CNOT1: variants seen among roughly 807,000 people sequenced by gnomAD.
CNOT1 encodes the protein CCR4-NOT transcription complex subunit 1.
A neutral mutation model predicts 273.8 loss-of-function variants in CNOT1; 15 were observed. The ratio of observed to expected loss-of-function variants is 0.05; its 90% CI spans 0.04 to 0.08. The LOEUF (loss-of-function observed/expected upper bound fraction) is 0.08, where lower values mean the gene tolerates loss of function less well. Among genes scored for constraint, CNOT1 ranks in the 10% least tolerant of loss-of-function variants. The pLI, the probability that CNOT1 is intolerant of heterozygous loss-of-function variation, is 1.00. For missense variants in CNOT1, 1,644 were observed against 2,912.2 expected, an observed-to-expected ratio of 0.56 and a Z score of 10.02; for synonymous variants, 1,022 against 1,005.5, an observed-to-expected ratio of 1.02 and a Z score of -0.31.
At chr16:58,617,080 G>A (rs2043115484) in intron 1 of CNOT1, among the ~76,000 whole-genome samples, 1 of 152,186 alleles carries the variant, frequency 6.6e-6, no homozygotes, top group Non-Finnish European at 1.5e-5. Flanking sequence ...TCTTGCAAGA[G>A]GCCAGGTGCA....
intron 16 of CNOT1, among the ~76,000 whole-genome samples, chr16:58,565,622 C>T (rs768363245): frequency 4.6e-5 from 7 of 152,200 alleles, no homozygotes; most frequent in Middle Eastern, 3.4e-3. Flanking sequence ...TTAGCCTTTA[C>T]GTGTTCTTCT....
chr16:58,560,566 A>C (rs1255679181), intron 16 of CNOT1, among the ~76,000 whole-genome samples: 1 of 151,824 alleles, frequency 6.6e-6, no homozygotes, highest in East Asian at 1.9e-4. Flanking sequence ...CCGAGTACCA[A>C]TCTGATTTTC....
intron 1 of CNOT1, among the ~76,000 whole-genome samples, chr16:58,618,449 G>A (rs1470402176): frequency 1.3e-5 from 2 of 151,996 alleles, no homozygotes; most frequent in Admixed American, 6.6e-5. Context: ...GGACATGGTG[G>A]TGCACATCTG....
intron 21 of CNOT1, among the ~76,000 whole-genome samples, chr16:58,554,595 A>C (rs1486960868): frequency 6.6e-6 from 1 of 152,172 alleles, no homozygotes; most frequent in African/African-American, 2.4e-5. Flanking sequence ...ATAACCAACC[A>C]AAAAACCTCT....
intron 2 of CNOT1, among the ~76,000 whole-genome samples, chr16:58,592,841 T>G (rs2042109703): frequency 6.6e-6 from 1 of 152,118 alleles, no homozygotes; most frequent in African/African-American, 2.4e-5. Context: ...AGTATAGAGC[T>G]GAGGGAAGAA....
chr16:58,543,473 G>A, intron 31 of CNOT1, 134 bp downstream of exon 31: 1 of 1,510,184 alleles, frequency 6.6e-7, no homozygotes, highest in South Asian at 1.3e-5. Flanking sequence ...TAAAATGATG[G>A]AAGACATCAA....
chr16:58,534,525 T>C, intron 39 of CNOT1, 130 bp from the exon 40 acceptor site: 1 of 1,048,592 alleles, frequency 9.5e-7, no homozygotes, highest in Non-Finnish European at 1.3e-6. Flanking sequence ...TCTTACATTG[T>C]AATAAATGTA....
intron 16 of CNOT1, among the ~76,000 whole-genome samples, chr16:58,569,832 A>G (rs1418068880): frequency 6.6e-6 from 1 of 152,180 alleles, no homozygotes; most frequent in African/African-American, 2.4e-5. Context: ...TTGTAGAAAT[A>G]ATGACTGAAA....
chr16:58,554,374 A>G (rs1183479241), intron 21 of CNOT1, among the ~76,000 whole-genome samples: 1 of 152,174 alleles, frequency 6.6e-6, no homozygotes, highest in East Asian at 1.9e-4. Flanking sequence ...CTCTTGGGAG[A>G]TAATGAAAAT....
At chr16:58,566,257 T>G (rs2041039258) in intron 16 of CNOT1, among the ~76,000 whole-genome samples, 1 of 152,230 alleles carries the variant, frequency 6.6e-6, no homozygotes, top group Non-Finnish European at 1.5e-5. Flanking sequence ...TAACACACAT[T>G]AAAGATTACA....
At chr16:58,606,804 A>G (rs377157076) in intron 1 of CNOT1, among the ~76,000 whole-genome samples, 1 of 151,528 alleles carries the variant, frequency 6.6e-6, no homozygotes, top group Admixed American at 6.6e-5. Context: ...ACACCGTATC[A>G]AAAAAAAAGA....
intron 45 of CNOT1, among the ~76,000 whole-genome samples, chr16:58,525,621 C>T (rs1043365751): frequency 1.3e-5 from 2 of 152,204 alleles, no homozygotes; most frequent in Admixed American, 1.3e-4. Flanking sequence ...AAAATATGCA[C>T]TGTGCCAATT....
intron 1 of CNOT1, among the ~76,000 whole-genome samples, chr16:58,609,611 T>C (rs1365986890): frequency 6.6e-6 from 1 of 151,858 alleles, no homozygotes; most frequent in African/African-American, 2.4e-5. Context: ...TACAGACACA[T>C]GCCACCATGC....
At chr16:58,587,126 TCA>T in intron 6 of CNOT1, 73 bp downstream of exon 6, 1 of 1,539,762 alleles carries the variant, frequency 6.5e-7, no homozygotes, top group Non-Finnish European at 8.8e-7. Flanking sequence ...TAAGTCTAAA[TCA>T]CAGAGCCTCA....
chr16:58,625,111 C>T (rs576942709), intron 1 of CNOT1, among the ~76,000 whole-genome samples: 1 of 151,874 alleles, frequency 6.6e-6, no homozygotes, highest in Admixed American at 6.6e-5. Flanking sequence ...TTAGGCCAGG[C>T]GCAGTGGCTC....
At chr16:58,564,147 G>C (rs1377821822) in intron 16 of CNOT1, among the ~76,000 whole-genome samples, 1 of 152,102 alleles carries the variant, frequency 6.6e-6, no homozygotes, top group African/African-American at 2.4e-5. Flanking sequence ...ATACGAATAA[G>C]TATGTATTTG....
intron 42 of CNOT1, 164 bp from the exon 43 acceptor site, chr16:58,530,511 G>A (rs1442065034): frequency 3.3e-5 from 15 of 454,568 alleles, no homozygotes; most frequent in East Asian, 6.7e-5. Flanking sequence ...GGCCAGGCAC[G>A]GTGGCTGACG....
intron 35 of CNOT1, 52 bp downstream of exon 35, chr16:58,539,716 A>G (rs538681740): frequency 5.9e-6 from 9 of 1,516,838 alleles, no homozygotes; most frequent in Non-Finnish European, 7.1e-6. Context: ...GTGCAGGTCA[A>G]TAAATGTTTA....
At position 58,578,576 on chromosome 16, in the gene CNOT1, G is replaced by A. The variant is rs1000902493; in HGVS notation, c.1584+123C>T. The A allele has an allele frequency of 3.5e-6, 5 of 1,440,596 alleles. No homozygotes were observed. In the African/African-American group the frequency reaches 5.8e-5, roughly 17 times the overall value. 89.2% of individuals were successfully genotyped at this position (1,440,596 alleles called of 1,614,324 possible). On this transcript the variant is annotated intron_variant, in intron 13 of 48. Coordinates refer to ENST00000317147, the MANE Select transcript of CNOT1 (RefSeq NM_016284.5). Reference sequence around the variant, plus strand: ...GATAAAACAAGTTTTATGACAGTATGACTTTTAAAGTCATAATAATTCAGA... The same window carrying A: ...GATAAAACAAGTTTTATGACAGTATAACTTTTAAAGTCATAATAATTCAGA...
Sources: allele counts gnomAD v4.1 joint callset (sites outside exome capture counted in the v4.1 genomes callset), GRCh38; gene constraint gnomAD v4.1.1; transcripts MANE v1.5; gene names NCBI Gene and HGNC (gene_info 2026-07-23, HGNC 2026-07-21).